Variants in NR3C1 observed in about 807,000 individuals in gnomAD.
The protein encoded by NR3C1 is nuclear receptor subfamily 3 group C member 1.
NR3C1 carries 14 observed loss-of-function variants against 74.0 expected under a neutral mutation model. The observed-to-expected ratio is 0.19, with a 90% confidence interval of 0.12 to 0.30. NR3C1 has a LOEUF of 0.30. Among genes scored for constraint, NR3C1 ranks in the 10% least tolerant of loss-of-function variants. The pLI is 1.00. For synonymous variants in NR3C1, 308 were observed against 332.5 expected (o/e 0.93, Z 0.80); for missense variants, 695 against 909.8 (o/e 0.76, Z 3.04).
Position 143,333,139 on chromosome 5 carries a change from C to G in NR3C1, c.1185-18971G>C, listed in dbSNP as rs1826357677. On this transcript the variant is annotated intron_variant, in intron 2 of 8. Coordinates refer to ENST00000394464, the MANE Select transcript of NR3C1 (RefSeq NM_000176.3). ...TTGCGCCCTTTCCACCTCTCAGTGG[C>G]CCATCATGCTACCAAAAATAGAGTG... 23 of 1,583,874 alleles carry G rather than the reference C, an allele frequency of 1.5e-5. No homozygotes were observed. In the Admixed American group the frequency reaches 2.9e-4, roughly 20 times the overall value.
chr5:143,350,716 A>C (rs1218640877), intron 2 of NR3C1, among the ~76,000 whole-genome samples: 1 of 152,184 alleles, frequency 6.6e-6, no homozygotes, highest in Non-Finnish European at 1.5e-5. Context: ...TCACTTAGAG[A>C]AGGAGAAAAT....
intron 1 of NR3C1, among the ~76,000 whole-genome samples, chr5:143,411,683 T>A (rs1467150929): frequency 6.6e-6 from 1 of 152,204 alleles, no homozygotes; most frequent in Non-Finnish European, 1.5e-5. Context: ...AGTGTTATAT[T>A]TTTTCTTGCT....
chr5:143,317,533 ATACCTGAATGCTGGTGGT>A (rs1379341587), intron 2 of NR3C1, among the ~76,000 whole-genome samples: 1 of 152,174 alleles, frequency 6.6e-6, no homozygotes, highest in African/African-American at 2.4e-5. Context: ...TTCCAGGTGA[ATACCTGAATGCTGGTGGT>A]TCCCAATCAG....
intron 1 of NR3C1, among the ~76,000 whole-genome samples, chr5:143,419,641 G>A (rs1158466508): frequency 2.0e-5 from 3 of 152,106 alleles, no homozygotes; most frequent in South Asian, 4.2e-4. Context: ...GGGAATGTAC[G>A]AATAGGTGTG....
intron 7 of NR3C1, among the ~76,000 whole-genome samples, chr5:143,293,286 C>G (rs1816368223): frequency 6.6e-6 from 1 of 152,118 alleles, no homozygotes. Flanking sequence ...GAATGGGAAA[C>G]CAAATATTGC....
At chr5:143,433,508 G>A (rs1751973483) in intron 1 of NR3C1, among the ~76,000 whole-genome samples, 1 of 53,086 alleles carries the variant, frequency 1.9e-5, no homozygotes, top group South Asian at 6.5e-4. Context: ...AAGGCAGAAT[G>A]TCCAAGACAA....
intron 2 of NR3C1, among the ~76,000 whole-genome samples, chr5:143,389,490 A>G (rs1322155169): frequency 1.3e-5 from 2 of 152,230 alleles, no homozygotes; most frequent in African/African-American, 4.8e-5. Flanking sequence ...ATTGAAGTTT[A>G]GAATTTTCAT....
chr5:143,404,411 C>T, upstream of NR3C1: 2 of 985,530 alleles, frequency 2.0e-6, no homozygotes, highest in Non-Finnish European at 1.2e-6. Flanking sequence ...CGGCAGGTCC[C>T]CCACCACCGC....
chr5:143,323,406 G>A (rs753555934), intron 2 of NR3C1, among the ~76,000 whole-genome samples: 45 of 152,208 alleles, frequency 3.0e-4, no homozygotes, highest in Non-Finnish European at 4.3e-4. Flanking sequence ...ATGAGATCTC[G>A]TCAGTCTTAT....
At chr5:143,304,707 C>A (rs1302766594) in intron 4 of NR3C1, among the ~76,000 whole-genome samples, 1 of 151,188 alleles carries the variant, frequency 6.6e-6, no homozygotes, top group African/African-American at 2.4e-5. Context: ...TAAAAAAAAA[C>A]CACACACAAT....
At position 143,300,910 on chromosome 5, in the gene NR3C1, A is replaced by G; in HGVS notation, c.1469-147T>C. 1 of 988,032 alleles carries G rather than the reference A, an allele frequency of 1.0e-6. No homozygotes were observed. Among genetic ancestry groups the G allele is most frequent in the Non-Finnish European group, 1.4e-6 (1 of 696,298 alleles). The allele number at this position is 988,032 out of a possible 1,614,324, so 61.2% of individuals were successfully genotyped here. A position where few individuals can be genotyped will look rare whatever the true frequency, so the allele number is the denominator to read the frequency against. On this transcript the variant is annotated intron_variant, in intron 4 of 8. Coordinates refer to ENST00000394464, the MANE Select transcript of NR3C1 (RefSeq NM_000176.3). This position sits in a 1 kb window ranked among gnomAD's most constrained non-coding sequence, Gnocchi z 5.2. Reference sequence around the variant, plus strand: ...GCAATTATGATAAAGTGACATGGAAAAGGAGAAAAAACTTTTTTTTTTCTG... The same window carrying G: ...GCAATTATGATAAAGTGACATGGAAGAGGAGAAAAAACTTTTTTTTTTCTG...
At chr5:143,359,786 C>T (rs180936684) in intron 2 of NR3C1, among the ~76,000 whole-genome samples, 166 of 152,172 alleles carry the variant, frequency 1.1e-3, no homozygotes, top group Non-Finnish European at 1.7e-3. Context: ...GGCATGGTGG[C>T]AGGCACCTGT....
intron 2 of NR3C1, among the ~76,000 whole-genome samples, chr5:143,338,721 A>G (rs1218608891): frequency 6.6e-6 from 1 of 152,224 alleles, no homozygotes; most frequent in Non-Finnish European, 1.5e-5. Flanking sequence ...AAAAAGTTAC[A>G]GTAGGCTAAG....
chr5:143,292,042 T>C (rs529125976), intron 7 of NR3C1, among the ~76,000 whole-genome samples: 3 of 152,340 alleles, frequency 2.0e-5, no homozygotes, highest in Non-Finnish European at 2.9e-5. Flanking sequence ...CTGGACATGA[T>C]TGATATATCA....
At chr5:143,306,742 C>CT (rs1423055398) in intron 4 of NR3C1, among the ~76,000 whole-genome samples, 2 of 152,032 alleles carry the variant, frequency 1.3e-5, no homozygotes, top group Admixed American at 6.6e-5. Context: ...ATATCAAAGA[C>CT]TAACATGTAG....
chr5:143,391,964 CTTTTT>C (rs530897697), intron 2 of NR3C1, among the ~76,000 whole-genome samples: 1 of 149,438 alleles, frequency 6.7e-6, no homozygotes, highest in Non-Finnish European at 1.5e-5. Context: ...ATTTTCTTTT[CTTTTT>C]TTTTTCTTTT....
intron 2 of NR3C1, among the ~76,000 whole-genome samples, chr5:143,359,885 C>T (rs577863973): frequency 1.3e-4 from 20 of 152,182 alleles, no homozygotes; most frequent in African/African-American, 4.6e-4. Flanking sequence ...CCTCCTGCAC[C>T]ATAGCCTGGG....
At position 143,298,694 on chromosome 5, in the gene NR3C1, A is replaced by C; in HGVS notation, c.1866T>G (p.Cys622Trp). 1 of 1,613,836 alleles carries C rather than the reference A, an allele frequency of 6.2e-7. No homozygotes were observed. The highest frequency in any genetic ancestry group is 8.5e-7 in the Non-Finnish European group (1 of 1,179,848). The change falls in exon 6 of 9, where the codon TGT (cysteine) becomes TGG (tryptophan). Residue 622 changes from cysteine to tryptophan, a missense_variant. By Grantham distance (215) the Cys-to-Trp change is radical (BLOSUM62 -2). Around this residue, in one of 4 missense-constraint regions of NR3C1, gnomAD observed 133 missense variants for 287.9 expected, o/e 0.46. Coordinates refer to ENST00000394464, the MANE Select transcript of NR3C1 (RefSeq NM_000176.3). ...SYRQSSANLL[C>W]FAPDLIINEQ... ...CATTAATAATCAGATCAGGAGCAAAACACAGCAGGTTTGCACTTGATTGTC... is the reference window on the plus strand; with the variant it reads ...CATTAATAATCAGATCAGGAGCAAACCACAGCAGGTTTGCACTTGATTGTC...
At chr5:143,419,372 A>G (rs1180708103) in intron 1 of NR3C1, among the ~76,000 whole-genome samples, 1 of 152,192 alleles carries the variant, frequency 6.6e-6, no homozygotes, top group Non-Finnish European at 1.5e-5. Flanking sequence ...TGAAATACTT[A>G]TTTGAAGCAC....
Sources: gnomAD v4.1 joint callset for allele counts (sites outside exome capture counted in the v4.1 genomes callset) on GRCh38, gnomAD v4.1.1 for gene constraint, gnomAD v4.1.1 regional missense constraint, Gnocchi (gnomAD v3.1) non-coding constraint, MANE v1.5 for transcripts, NCBI Gene and HGNC (gene_info 2026-07-23, HGNC 2026-07-21) for gene names.